The following ROR1 variants were observed in gnomAD, a reference collection of about 807,000 sequenced individuals.
The protein encoded by ROR1 is inactive tyrosine-protein kinase transmembrane receptor ROR1.
In ROR1, 19 loss-of-function variants were observed where a neutral mutation model predicts 78.8. The observed-to-expected ratio is 0.24, with a 90% CI of 0.17 to 0.35. The LOEUF is 0.35. ROR1 is among the 10% of genes least tolerant of loss of function. The pLI, the probability that ROR1 is intolerant of heterozygous loss-of-function variation, is 1.00. For missense variants in ROR1, 917 were observed against 1,177.8 expected, an observed-to-expected ratio of 0.78 and a Z score of 3.24; for synonymous variants, 386 against 433.6, an observed-to-expected ratio of 0.89 and a Z score of 1.36.
intron 4 of ROR1, among the ~76,000 whole-genome samples, chr1:64,134,354 G>A (rs750131077): frequency 2.6e-5 from 4 of 152,120 alleles, no homozygotes; most frequent in African/African-American, 4.8e-5. Flanking sequence ...GTATTGAAAC[G>A]CAGAACATAG....
chr1:63,933,210 A>G (rs966621839), intron 1 of ROR1, among the ~76,000 whole-genome samples: 6 of 152,218 alleles, frequency 3.9e-5, no homozygotes, highest in Admixed American at 3.9e-4. Flanking sequence ...AGGGCAGCAT[A>G]GTAGTGGTGC....
intron 4 of ROR1, among the ~76,000 whole-genome samples, chr1:64,056,814 T>C (rs1252758910): frequency 2.0e-5 from 3 of 152,228 alleles, no homozygotes; most frequent in Non-Finnish European, 2.9e-5. Context: ...ATTTATGTTT[T>C]CTTTGGGGAA....
chr1:63,958,893 C>T (rs1201588242), intron 1 of ROR1, among the ~76,000 whole-genome samples: 3 of 152,150 alleles, frequency 2.0e-5, no homozygotes, highest in Admixed American at 2.0e-4. Flanking sequence ...TCTCACTGAA[C>T]AGAACTTGGT....
chr1:64,089,095 T>A (rs1647175655), intron 4 of ROR1, among the ~76,000 whole-genome samples: 1 of 152,146 alleles, frequency 6.6e-6, no homozygotes, highest in South Asian at 2.1e-4. Flanking sequence ...CCAAAGATGG[T>A]GAGAAATTAT....
At position 64,159,003 on chromosome 1, in the gene ROR1, G is replaced by T; in HGVS notation, c.1197G>T (p.Lys399Asn). Residue 399 changes from lysine to asparagine, a missense_variant, in exon 8 of 9, where the codon AAG (lysine) becomes AAT (asparagine). Lys to Asn is a moderately conservative substitution (Grantham distance 94). Transcript: ENST00000371079. ...PACDSKDSKE[K>N]NKMEILYILV... is the part of the protein sequence containing the mutation. ...CAGATTCAAAGGATTCCAAGGAGAA[G>T]AATAAAATGGAAATCCTGTACATAC... 6.2e-7 allele frequency: 1 copy of T among 1,614,068 alleles called. No individual in the cohort carries two copies. Among genetic ancestry groups the T allele is most frequent in the Non-Finnish European group, 8.5e-7 (1 of 1,179,926 alleles).
At chr1:63,998,088 GCTGAACTGCCTCCCATCTAA>G (rs1396855066) in intron 1 of ROR1, among the ~76,000 whole-genome samples, 1 of 152,100 alleles carries the variant, frequency 6.6e-6, no homozygotes, top group East Asian at 1.9e-4. Flanking sequence ...TCATCCTTGT[GCTGAACTGCCTCCCATCTAA>G]CCTATTCCAG....
intron 5 of ROR1, 104 bp downstream of exon 5, chr1:64,137,600 A>G (rs1649159707): frequency 8.7e-7 from 1 of 1,153,216 alleles, no homozygotes; most frequent in African/African-American, 1.5e-5. Flanking sequence ...CTCAGCATGG[A>G]GGTTGGGAGC....
intron 4 of ROR1, among the ~76,000 whole-genome samples, chr1:64,070,860 T>C (rs1464921753): frequency 6.6e-6 from 1 of 152,156 alleles, no homozygotes; most frequent in Admixed American, 6.5e-5. Flanking sequence ...GAAGAAAGTC[T>C]AATGTGTCAG....
intron 2 of ROR1, among the ~76,000 whole-genome samples, chr1:64,044,819 G>A (rs569004375): frequency 1.3e-3 from 203 of 152,302 alleles, no homozygotes; most frequent in Non-Finnish European, 2.4e-3. Context: ...TCCAGAAAAA[G>A]TTAGAATTTT....
intron 1 of ROR1, among the ~76,000 whole-genome samples, chr1:63,906,960 G>GA (rs1288010839): frequency 1.3e-5 from 2 of 152,184 alleles, no homozygotes; most frequent in African/African-American, 4.8e-5. Flanking sequence ...GAAAAGTTGT[G>GA]AAAATCAATT....
chr1:63,807,871 T>C (rs1644838895), intron 1 of ROR1, among the ~76,000 whole-genome samples: 1 of 152,172 alleles, frequency 6.6e-6, no homozygotes, highest in Admixed American at 6.5e-5. Context: ...TTCATAGTAA[T>C]AACTGAGTTT....
intron 2 of ROR1, 71 bp downstream of exon 2, chr1:64,009,447 T>A (rs1646458207): frequency 8.5e-7 from 1 of 1,174,810 alleles, no homozygotes; most frequent in Non-Finnish European, 1.3e-6. Flanking sequence ...GGCATGACCT[T>A]CTTTGAAATC....
chr1:64,072,762 A>AC (rs1270490644), intron 4 of ROR1, among the ~76,000 whole-genome samples: 1 of 152,076 alleles, frequency 6.6e-6, no homozygotes, highest in Non-Finnish European at 1.5e-5. Context: ...TATGATCCTG[A>AC]CCCAGCTTCC....
chr1:63,889,154 A>G (rs855843), intron 1 of ROR1, among the ~76,000 whole-genome samples: 125,045 of 152,108 alleles, frequency 0.82, 53,418 homozygotes, highest in East Asian at 1. Flanking sequence ...CCAGTGAGTC[A>G]TATGACAGAG....
chr1:64,120,748 A>G (rs1028828745), intron 4 of ROR1, among the ~76,000 whole-genome samples: 1 of 152,132 alleles, frequency 6.6e-6, no homozygotes, highest in African/African-American at 2.4e-5. Context: ...GCCAGACTAT[A>G]TATTTCCTTT....
chr1:63,926,484 C>T (rs577528184), intron 1 of ROR1, among the ~76,000 whole-genome samples: 30 of 152,002 alleles, frequency 2.0e-4, no homozygotes, highest in Middle Eastern at 3.4e-3. Context: ...ATTGACTTGG[C>T]GATGCGGGCT....
At chr1:63,788,937 A>T in intron 1 of ROR1, 1 of 773,816 alleles carries the variant, frequency 1.3e-6, no homozygotes, top group Non-Finnish European at 2.2e-6. Context: ...CTTCAGGTAC[A>T]GGCTGTGATA....
At chr1:63,923,811 C>T (rs1196766196) in intron 1 of ROR1, among the ~76,000 whole-genome samples, 1 of 151,792 alleles carries the variant, frequency 6.6e-6, no homozygotes, top group African/African-American at 2.4e-5. Flanking sequence ...TGCTGTGGTC[C>T]CTGCCCACTT....
At chr1:63,878,085 A>G (rs1049821413) in intron 1 of ROR1, among the ~76,000 whole-genome samples, 2 of 151,960 alleles carry the variant, frequency 1.3e-5, no homozygotes, top group African/African-American at 4.8e-5. Context: ...TTTCTCCTTT[A>G]CATCTGCTTC....
Sources: gnomAD v4.1 joint callset for allele counts (sites outside exome capture counted in the v4.1 genomes callset) on GRCh38, gnomAD v4.1.1 for gene constraint, MANE v1.5 for transcripts, NCBI Gene and HGNC (gene_info 2026-07-23, HGNC 2026-07-21) for gene names.